The following DCLK1 variants were observed in gnomAD, a reference collection of about 807,000 sequenced individuals.
The protein encoded by DCLK1 is doublecortin like kinase 1.
A neutral mutation model predicts 86.2 loss-of-function variants in DCLK1; 16 were observed. The ratio of observed to expected loss-of-function variants is 0.19; its 90% CI spans 0.13 to 0.28. The LOEUF (loss-of-function observed/expected upper bound fraction) is 0.28, where lower values mean the gene tolerates loss of function less well. Ranked by LOEUF, DCLK1 falls within the 10% of genes least tolerant of loss-of-function variation. The probability of loss-of-function intolerance (pLI) is 1.00; values close to 1 mark genes in which losing one functional copy is unlikely to be tolerated. For missense variants in DCLK1, 590 were observed against 940.2 expected, an observed-to-expected ratio of 0.63 and a Z score of 4.87; for synonymous variants, 369 against 370.5, an observed-to-expected ratio of 1.00 and a Z score of 0.05.
rs1199150872 is a variant in DCLK1, at chr13:35,957,971, ATCACTG to A, written c.724-10520_724-10515del. Among the ~76,000 whole-genome samples, 18 of 151,964 alleles carry A rather than the reference ATCACTG, an allele frequency of 1.2e-4. No homozygotes were observed. The South Asian group carries it at 1.5e-3, about 12-fold the overall frequency. On this transcript the variant is annotated intron_variant, in intron 3 of 16. Coordinates refer to ENST00000360631, the MANE Select transcript of DCLK1 (RefSeq NM_001330071.2). ...TACCACTACTACAACCATTACCACC[ATCACTG>A]CTATAACCACCACCACCACCACCAT...
intron 8 of DCLK1, among the ~76,000 whole-genome samples, chr13:35,831,110 G>C (rs1166357787): frequency 6.6e-6 from 1 of 152,140 alleles, no homozygotes; most frequent in African/African-American, 2.4e-5. Context: ...GGCTTACTAG[G>C]AACAAAGACC....
At chr13:35,793,257 A>C (rs564283780) in intron 16 of DCLK1, 109 bp downstream of exon 16, 1 of 762,718 alleles carries the variant, frequency 1.3e-6, no homozygotes, top group East Asian at 2.6e-5. Context: ...GAGCTGTCTA[A>C]AGAAATGACC....
intron 3 of DCLK1, among the ~76,000 whole-genome samples, chr13:35,992,386 C>T (rs531102876): frequency 6.6e-6 from 1 of 151,202 alleles, no homozygotes; most frequent in East Asian, 1.9e-4. Flanking sequence ...AACATGTTGA[C>T]AGTACTAGGA....
chr13:35,987,330 C>A (rs1879971561), intron 3 of DCLK1, among the ~76,000 whole-genome samples: 1 of 152,146 alleles, frequency 6.6e-6, no homozygotes, highest in Non-Finnish European at 1.5e-5. Flanking sequence ...GAGGCTGAGG[C>A]AGGAGAAGGC....
chr13:35,867,756 T>C (rs952424613), intron 5 of DCLK1, among the ~76,000 whole-genome samples: 6 of 151,830 alleles, frequency 4.0e-5, no homozygotes, highest in Admixed American at 3.9e-4. Flanking sequence ...CCTATATGCA[T>C]AATTATATTT....
chr13:35,913,162 C>T (rs1167039636), intron 4 of DCLK1, among the ~76,000 whole-genome samples: 1 of 152,180 alleles, frequency 6.6e-6, no homozygotes, highest in Non-Finnish European at 1.5e-5. Context: ...TCCTGGAATA[C>T]AGCCACGTGA....
chr13:35,805,111 C>T (rs985285937), intron 15 of DCLK1, among the ~76,000 whole-genome samples: 6 of 152,168 alleles, frequency 3.9e-5, no homozygotes, highest in African/African-American at 4.8e-5. Context: ...GATTATTCAG[C>T]TCTAATCTGG....
At position 35,810,827 on chromosome 13, in the gene DCLK1, G is replaced by A. The variant is rs752039250; in HGVS notation, c.1688+8C>T. 9 of 1,613,030 alleles carry A rather than the reference G, an allele frequency of 5.6e-6. No homozygotes were observed. The highest frequency in any genetic ancestry group is 2.7e-5 in the African/African-American group (2 of 74,990). On this transcript the variant is annotated splice_region_variant and intron_variant, in intron 12 of 16. Transcript: ENST00000360631. ...AGCATAGCACTTAAACATAAGAGAA[G>A]CATTTACCCAGTCTCTGCAATGATT... is the stretch of plus-strand genomic sequence containing the variant.
rs143311100 is a variant in DCLK1, at chr13:35,833,673, C to G, written c.1229+2360G>C. ...GATTAGCAGAGGAGAGGCATATTCA[C>G]CCTTGGTAATACATATTCATCCTTC... On this transcript the variant is annotated intron_variant, in intron 8 of 16. Transcript: ENST00000360631. Among the ~76,000 whole-genome samples the G allele has an allele frequency of 4.9e-3, 741 of 152,314 alleles. 3 individuals carry two copies. Among genetic ancestry groups the G allele is most frequent in the Non-Finnish European group, 8.8e-3 (600 of 68,034 alleles).
At chr13:35,789,911 A>G (rs747291561) in intron 16 of DCLK1, among the ~76,000 whole-genome samples, 4 of 150,688 alleles carry the variant, frequency 2.7e-5, no homozygotes, top group Admixed American at 2.6e-4. Flanking sequence ...TCCCCCAACT[A>G]CTGAGAAAGG....
intron 4 of DCLK1, among the ~76,000 whole-genome samples, chr13:35,901,653 G>T (rs543638113): frequency 6.6e-6 from 1 of 151,948 alleles, no homozygotes; most frequent in Non-Finnish European, 1.5e-5. Context: ...TCTCTTACAG[G>T]CCTCCTCTCT....
intron 16 of DCLK1, among the ~76,000 whole-genome samples, chr13:35,788,925 A>T (rs2086664105): frequency 6.6e-6 from 1 of 152,244 alleles, no homozygotes. Context: ...AATTTTCTCT[A>T]TGAAAATATG....
At chr13:35,809,756 C>G (rs1449195642) in intron 12 of DCLK1, among the ~76,000 whole-genome samples, 3 of 152,190 alleles carry the variant, frequency 2.0e-5, no homozygotes, top group Non-Finnish European at 4.4e-5. Context: ...TGGATGTGGG[C>G]TCCCACCTCA....
chr13:35,892,853 A>T (rs1873728564), intron 4 of DCLK1, among the ~76,000 whole-genome samples: 1 of 152,210 alleles, frequency 6.6e-6, no homozygotes, highest in African/African-American at 2.4e-5. Flanking sequence ...ATTTCAGCAT[A>T]AGGTAAATAG....
At chr13:35,858,760 G>A (rs574056642) in intron 5 of DCLK1, among the ~76,000 whole-genome samples, 18 of 152,178 alleles carry the variant, frequency 1.2e-4, no homozygotes, top group South Asian at 2.1e-4. Context: ...TATTTGCATC[G>A]CCATCTCTAG....
intron 4 of DCLK1, among the ~76,000 whole-genome samples, chr13:35,932,190 T>A (rs74046163): frequency 0.039 from 5,865 of 152,220 alleles, 398 homozygotes; most frequent in African/African-American, 0.13. Flanking sequence ...GAAATTTACC[T>A]TTTTCCTTCT....
chr13:35,999,729 T>C (rs764292543), intron 3 of DCLK1, among the ~76,000 whole-genome samples: 13 of 152,242 alleles, frequency 8.5e-5, no homozygotes, highest in Non-Finnish European at 1.6e-4. Flanking sequence ...TCATTACTGC[T>C]ACCTGATGTC....
At position 35,829,380 on chromosome 13, in the gene DCLK1, G is replaced by A. The variant is rs149206966; in HGVS notation, c.1230-1073C>T. Among the ~76,000 whole-genome samples the A allele has an allele frequency of 8.6e-3, 1,310 of 152,302 alleles. 28 individuals are homozygous for A. The highest frequency in any genetic ancestry group is 0.03 in the African/African-American group (1,239 of 41,552). On this transcript the variant is annotated intron_variant, in intron 8 of 16. Transcript: ENST00000360631. ...TTTTATTTCTGGTGTGAAATCGGGA[G>A]AGCCTAGCTTTTTACCTATAGATAA...
chr13:36,016,884 C>T (rs924229102), intron 3 of DCLK1, among the ~76,000 whole-genome samples: 5 of 152,040 alleles, frequency 3.3e-5, no homozygotes, highest in Admixed American at 6.6e-5. Context: ...ACACGGTGTG[C>T]GTACTTCACA....
Sources: gnomAD v4.1 joint callset for allele counts (sites outside exome capture counted in the v4.1 genomes callset) on GRCh38, gnomAD v4.1.1 for gene constraint, MANE v1.5 for transcripts, NCBI Gene and HGNC (gene_info 2026-07-23, HGNC 2026-07-21) for gene names.